STK32B: variants seen among roughly 807,000 people sequenced by gnomAD.
STK32B encodes serine/threonine kinase 32B.
STK32B carries 43 observed loss-of-function variants against 52.6 expected under a neutral mutation model. The ratio of observed to expected loss-of-function variants is 0.82; its 90% CI spans 0.64 to 1.05. The LOEUF (loss-of-function observed/expected upper bound fraction) is 1.05, where lower values mean the gene tolerates loss of function less well. Among genes scored for constraint, STK32B ranks in the 50% least tolerant of loss-of-function variants. The pLI, the probability that STK32B is intolerant of heterozygous loss-of-function variation, is 0.00. For synonymous variants in STK32B, 238 were observed against 204.3 expected, an observed-to-expected ratio of 1.17 and a Z score of -1.41; for missense variants, 621 against 534.6, an observed-to-expected ratio of 1.16 and a Z score of -1.59.
rs1385032608 is a variant in STK32B at position 5,317,178 on chromosome 4, A to T, written c.261-14042A>T. On this transcript the variant is annotated intron_variant, in intron 3 of 11. Transcript: ENST00000282908. ...ACATATTACATATATATAACATATA[A>T]TATATATATATAACATATATATATT... Among the ~76,000 whole-genome samples, 3 of 39,088 alleles carry T rather than the reference A, an allele frequency of 7.7e-5. No individual in the cohort carries two copies. In the South Asian group the frequency reaches 2.6e-3, roughly 34 times the overall value. The allele number at this position is 39,088 out of a possible 152,430, so 25.6% of individuals were successfully genotyped here.
intron 3 of STK32B, among the ~76,000 whole-genome samples, chr4:5,257,362 A>G (rs1054461505): frequency 2.0e-5 from 3 of 152,154 alleles, no homozygotes; most frequent in Non-Finnish European, 4.4e-5. Flanking sequence ...TGAGTGAATG[A>G]GTAAGTGAAT....
chr4:5,057,275 T>A (rs1212192156), intron 1 of STK32B, among the ~76,000 whole-genome samples: 1 of 152,224 alleles, frequency 6.6e-6, no homozygotes, highest in Non-Finnish European at 1.5e-5. Flanking sequence ...CCTACTCCTG[T>A]CCTTCAGTTT....
intron 3 of STK32B, among the ~76,000 whole-genome samples, chr4:5,171,039 G>A (rs1719328558): frequency 6.6e-6 from 1 of 152,174 alleles, no homozygotes; most frequent in Non-Finnish European, 1.5e-5. Context: ...GTTTTGATTT[G>A]TATTTCTCTG....
chr4:5,251,810 C>G (rs1247566454), intron 3 of STK32B, among the ~76,000 whole-genome samples: 1 of 152,102 alleles, frequency 6.6e-6, no homozygotes, highest in African/African-American at 2.4e-5. Context: ...AGCTGTGTTT[C>G]TAGGTATTTC....
chr4:5,185,667 A>T (rs1386541184), intron 3 of STK32B, among the ~76,000 whole-genome samples: 3 of 152,124 alleles, frequency 2.0e-5, no homozygotes, highest in Non-Finnish European at 2.9e-5. Flanking sequence ...CCTAGCCTGA[A>T]CTGTTGCTAT....
chr4:5,439,708 G>T (rs941309959), intron 6 of STK32B, among the ~76,000 whole-genome samples: 5 of 152,198 alleles, frequency 3.3e-5, no homozygotes, highest in African/African-American at 1.2e-4. Context: ...TAATTCCCAA[G>T]TTTTCTTCTA....
intron 3 of STK32B, among the ~76,000 whole-genome samples, chr4:5,266,461 C>G (rs1459860207): frequency 2.0e-5 from 3 of 152,184 alleles, no homozygotes; most frequent in Non-Finnish European, 4.4e-5. Flanking sequence ...TCTGGGAGAT[C>G]TCTCAACAAC....
the STK32B span, among the ~76,000 whole-genome samples, chr4:5,023,752 T>C: frequency 2.6e-5 from 4 of 152,072 alleles, no homozygotes; most frequent in African/African-American, 9.7e-5. Context: ...TAGAGCCCTA[T>C]CTCCTCCCGG....
intron 3 of STK32B, among the ~76,000 whole-genome samples, chr4:5,240,895 T>C (rs1724977146): frequency 6.6e-6 from 1 of 152,234 alleles, no homozygotes; most frequent in Admixed American, 6.5e-5. Context: ...CTAATCTTTT[T>C]ATTTGGTCTC....
At chr4:5,219,207 A>G (rs1484606366) in intron 3 of STK32B, among the ~76,000 whole-genome samples, 5 of 152,032 alleles carry the variant, frequency 3.3e-5, no homozygotes, top group African/African-American at 1.2e-4. Context: ...TTTTCCCCCT[A>G]CACCCAGGAG....
chr4:5,253,492 A>G (rs1439274574), intron 3 of STK32B, among the ~76,000 whole-genome samples: 4 of 152,088 alleles, frequency 2.6e-5, no homozygotes, highest in Admixed American at 1.3e-4. Flanking sequence ...CTCCTGCCTC[A>G]GCCTCCGAAA....
intron 3 of STK32B, among the ~76,000 whole-genome samples, chr4:5,192,486 G>A (rs537258071): frequency 3.3e-5 from 5 of 152,314 alleles, no homozygotes; most frequent in African/African-American, 1.2e-4. Context: ...CAGAAAGTCA[G>A]ATCGCTAACG....
rs575520655 is a variant in STK32B at position 5,292,318 on chromosome 4, C to T, written c.261-38902C>T. The stretch of plus-strand genomic sequence containing the variant: ...CTTGCCAAAATCTATTATTTTTTGA[C>T]TTTTTATAATAGCCATTCTGACTGA... On this transcript the variant is annotated intron_variant, in intron 3 of 11. Coordinates refer to ENST00000282908, the MANE Select transcript of STK32B (RefSeq NM_018401.3). 3.9e-5 allele frequency among the ~76,000 whole-genome samples: 6 copies of T among 152,140 alleles called. No individual in the cohort carries two copies. In the East Asian group the frequency reaches 1.2e-3, roughly 29 times the overall value.
At chr4:5,181,359 C>T (rs933922161) in intron 3 of STK32B, among the ~76,000 whole-genome samples, 6 of 150,958 alleles carry the variant, frequency 4.0e-5, no homozygotes, top group South Asian at 2.1e-4. Flanking sequence ...CACACACACA[C>T]ACACACACAG....
intron 3 of STK32B, among the ~76,000 whole-genome samples, chr4:5,182,901 G>A (rs1400284492): frequency 6.6e-6 from 1 of 152,120 alleles, no homozygotes; most frequent in Non-Finnish European, 1.5e-5. Context: ...GAGTGACCAG[G>A]TGTATTGTCA....
At chr4:5,083,455 T>A (rs1712546544) in intron 1 of STK32B, among the ~76,000 whole-genome samples, 1 of 152,228 alleles carries the variant, frequency 6.6e-6, no homozygotes, top group Non-Finnish European at 1.5e-5. Context: ...AGCCTAATTT[T>A]CTGAATGTGT....
At chr4:5,245,371 G>T (rs1208284870) in intron 3 of STK32B, among the ~76,000 whole-genome samples, 2 of 152,124 alleles carry the variant, frequency 1.3e-5, no homozygotes, top group African/African-American at 2.4e-5. Flanking sequence ...TTGGTTTAAA[G>T]TCTGTTTTAT....
At chr4:5,111,396 T>A (rs113765907) in intron 1 of STK32B, among the ~76,000 whole-genome samples, 54 of 152,190 alleles carry the variant, frequency 3.5e-4, no homozygotes, top group African/African-American at 1.2e-3. Context: ...GATAAAGAAA[T>A]TGTGGTGTGT....
chr4:5,137,196 T>C (rs1716127205), intron 1 of STK32B, among the ~76,000 whole-genome samples: 1 of 152,172 alleles, frequency 6.6e-6, no homozygotes, highest in Admixed American at 6.5e-5. Flanking sequence ...AGGAAGGCAG[T>C]AATCATGCAC....
Sources: allele counts gnomAD v4.1 joint callset (sites outside exome capture counted in the v4.1 genomes callset), GRCh38; gene constraint gnomAD v4.1.1; transcripts MANE v1.5; gene names NCBI Gene and HGNC (gene_info 2026-07-23, HGNC 2026-07-21).